SIVA1: variants seen among roughly 807,000 people sequenced by gnomAD.
SIVA1 encodes apoptosis regulatory protein Siva.
A neutral mutation model predicts 19.7 loss-of-function variants in SIVA1; 10 were observed. The ratio of observed to expected loss-of-function variants is 0.51; its 90% CI spans 0.31 to 0.86. The LOEUF is 0.86. Ranked by LOEUF, SIVA1 falls within the 40% of genes least tolerant of loss-of-function variation. The pLI, the probability that SIVA1 is intolerant of heterozygous loss-of-function variation, is 0.04. For synonymous variants in SIVA1, 130 were observed against 106.1 expected, an observed-to-expected ratio of 1.23 and a Z score of -1.39; for missense variants, 241 against 245.2, an observed-to-expected ratio of 0.98 and a Z score of 0.11.
intron 1 of SIVA1, among the ~76,000 whole-genome samples, chr14:104,754,039 G>A (rs939526113): frequency 2.6e-5 from 4 of 152,168 alleles, no homozygotes; most frequent in Non-Finnish European, 5.9e-5. Context: ...GAGCGAAATA[G>A]GACTCCGTGT....
intron 1 of SIVA1, chr14:104,753,687 G>T (rs1387160693): frequency 2.4e-6 from 1 of 424,910 alleles, no homozygotes; most frequent in African/African-American, 2.0e-5. Context: ...TGGGGAGCGG[G>T]GCGTCCTGCA....
Position 104,759,369 on chromosome 14 carries a change from G to A in SIVA1, c.471-59G>A. On this transcript the variant is annotated intron_variant, in intron 3 of 3. Coordinates refer to ENST00000329967, the MANE Select transcript of SIVA1 (RefSeq NM_006427.4). The surrounding 1 kb of genome is among the most constrained non-coding windows in gnomAD (Gnocchi z 4.2). ...TTTGACGTTTGAATGGTGGGGGGTG[G>A]TGGACACAATTCAGCCCCTGACAGC... 2 of 1,450,630 alleles carry A rather than the reference G, an allele frequency of 1.4e-6. No individual in the cohort carries two copies. The highest frequency in any genetic ancestry group is 1.2e-5 in the South Asian group (1 of 84,102). 89.9% of individuals were successfully genotyped at this position (1,450,630 alleles called of 1,614,324 possible).
chr14:104,756,896 C>T (rs955261589), intron 3 of SIVA1, 136 bp downstream of exon 3: 28 of 1,013,152 alleles, frequency 2.8e-5, no homozygotes, highest in African/African-American at 3.3e-5. Context: ...CATTGCCTAA[C>T]GGGACATGGT....
rs922573055 is a variant in SIVA1 at position 104,759,639 on chromosome 14, C to T, written c.*154C>T. The T allele has an allele frequency of 3.5e-6, 2 of 577,262 alleles. No individual in the cohort carries two copies. Among genetic ancestry groups the T allele is most frequent in the South Asian group, 2.2e-5 (1 of 45,700 alleles). The allele number at this position is 577,262 out of a possible 1,614,324, so 35.8% of individuals were successfully genotyped here. On this transcript the variant is annotated 3_prime_UTR_variant, in exon 4 of 4. Transcript: ENST00000329967. This position sits in a 1 kb window ranked among gnomAD's most constrained non-coding sequence, Gnocchi z 4.2. ...GTATCCTAATGACAGAATGAATAAA[C>T]CTCTTTATATTTGCACAAGAGGACT...
chr14:104,753,246 G>T lies in SIVA1; in HGVS notation c.45G>T (p.Gln15His), dbSNP rs770950455. 1 of 1,596,026 alleles carries T rather than the reference G, an allele frequency of 6.3e-7. No homozygotes were observed. The highest frequency in any genetic ancestry group is 8.5e-7 in the Non-Finnish European group (1 of 1,173,584). ...CCTTCGCGGACGTGGCCCCGCTACA[G>T]CTCAAGGTCCGCGTGAGCCAGAGGG... is the stretch of plus-strand genomic sequence containing the variant. ...SCPFADVAPLQLKVRVSQREL... is the reference protein window; with the variant it reads ...SCPFADVAPLHLKVRVSQREL... The change falls in exon 1 of 4, where the codon CAG (glutamine) becomes CAT (histidine). Residue 15 changes from glutamine to histidine, a missense_variant. Physicochemically the swap from Gln to His is conservative, Grantham distance 24. Coordinates refer to ENST00000329967, the MANE Select transcript of SIVA1 (RefSeq NM_006427.4).
chr14:104,759,443 C>G lies in SIVA1; in HGVS notation c.486C>G (p.Tyr162Ter). The G allele has an allele frequency of 6.2e-7, 1 of 1,613,166 alleles. No individual in the cohort carries two copies. Among genetic ancestry groups the G allele is most frequent in the South Asian group, 1.1e-5 (1 of 91,054 alleles). ...GCTGTCGCAGCTGCAGTGACATGTACGAGAAAGTGCTGTGCACCAGCTGTG... is the reference window on the plus strand; with the variant it reads ...GCTGTCGCAGCTGCAGTGACATGTAGGAGAAAGTGCTGTGCACCAGCTGTG... ...LCGLVDCSDMYEKVLCTSCAM... is the reference protein window; with the variant it reads ...LCGLVDCSDM Residue 162 changes from tyrosine (Y) to a stop codon, truncating the protein, a stop_gained, in exon 4 of 4, where the codon TAC becomes TAG. Transcript: ENST00000329967. LOFTEE classifies it high-confidence loss of function. The surrounding 1 kb of genome is among the most constrained non-coding windows in gnomAD (Gnocchi z 4.2).
At position 104,753,564 on chromosome 14, in the gene SIVA1, C is replaced by T. The variant is rs1395881433; in HGVS notation, c.118+245C>T. ...ACAGCCTGAAAGAAAAGGGTCCCTG[C>T]CCCTAGCCCCCGCGCCCTCTTCCAC... is the stretch of plus-strand genomic sequence containing the variant. On this transcript the variant is annotated intron_variant, in intron 1 of 3. Coordinates refer to ENST00000329967, the MANE Select transcript of SIVA1 (RefSeq NM_006427.4). Among the ~76,000 whole-genome samples, 5 of 152,216 alleles carry T rather than the reference C, an allele frequency of 3.3e-5. No homozygotes were observed. In the South Asian group the frequency reaches 6.2e-4, roughly 19 times the overall value.
chr14:104,756,511 CT>C (rs1383829628), intron 2 of SIVA1, 92 bp from the exon 3 acceptor site: 1 of 1,473,996 alleles, frequency 6.8e-7, no homozygotes, highest in Non-Finnish European at 9.4e-7. Context: ...TCAGAGCCCT[CT>C]GCCCTCAGGT....
At position 104,755,666 on chromosome 14, in the gene SIVA1, C is replaced by T. The variant is rs150203807; in HGVS notation, c.155C>T (p.Ala52Val). The T allele has an allele frequency of 5.0e-6, 8 of 1,613,656 alleles. No homozygotes were observed. In the African/African-American group the frequency reaches 1.1e-4, roughly 22 times the overall value. ...TKRLLFLGAQ[A>V]YLDHVWDEGC... ...CGACTCCTGTTCCTCGGGGCCCAGG[C>T]CTACCTGGACCACGTGTGGGATGAA... is the stretch of plus-strand genomic sequence containing the variant. Residue 52 changes from alanine (A) to valine (V), a missense_variant, in exon 2 of 4, where the codon GCC (alanine) becomes GTC (valine). By Grantham distance (64) the Ala-to-Val change is moderately conservative (BLOSUM62 0). Transcript: ENST00000329967.
At chr14:104,757,276 G>T (rs1475815995) in intron 3 of SIVA1, 10 of 439,332 alleles carry the variant, frequency 2.3e-5, no homozygotes, top group Non-Finnish European at 4.6e-5. Context: ...TCACCCTAGG[G>T]GCTACTCACC....
At chr14:104,753,681 G>GA (rs1555381132) in intron 1 of SIVA1, 1 of 427,550 alleles carries the variant, frequency 2.3e-6, no homozygotes, top group Non-Finnish European at 4.7e-6. Flanking sequence ...AGAGGTTGGG[G>GA]AGCGGGGCGT....
intron 2 of SIVA1, chr14:104,756,333 AG>A: frequency 3.7e-6 from 2 of 546,888 alleles, no homozygotes; most frequent in Non-Finnish European, 6.6e-6. Flanking sequence ...TTCCAGCACT[AG>A]CCTCCAGGTA....
At chr14:104,754,620 T>G (rs1025525543) in intron 1 of SIVA1, among the ~76,000 whole-genome samples, 1 of 152,156 alleles carries the variant, frequency 6.6e-6, no homozygotes, top group Non-Finnish European at 1.5e-5. Context: ...GGGCCTTCCA[T>G]GGTAAATGCA....
At position 104,753,184 on chromosome 14, in the gene SIVA1, G is replaced by T. The variant is rs71421881; in HGVS notation, c.-18G>T. ...GGGCTGGCGGCCGGGGAGCTGCGTA[G>T]CTCCCGGCCCCGCGGCCATGCCCAA... On this transcript the variant is annotated 5_prime_UTR_variant, in exon 1 of 4. Coordinates refer to ENST00000329967, the MANE Select transcript of SIVA1 (RefSeq NM_006427.4). 6.6e-7 allele frequency: 1 copy of T among 1,515,838 alleles called. No homozygotes were observed. Among genetic ancestry groups the T allele is most frequent in the South Asian group, 1.2e-5 (1 of 85,226 alleles). The allele number at this position is 1,515,838 out of a possible 1,614,324, so 93.9% of individuals were successfully genotyped here.
rs750565456 is a variant in SIVA1, at chr14:104,755,684, G to A, written c.173G>A (p.Trp58Ter). The change falls in exon 2 of 4, where the codon TGG becomes TAG. Residue 58 changes from tryptophan (W) to a stop codon, truncating the protein, a stop_gained. Transcript: ENST00000329967. LOFTEE classifies it high-confidence loss of function. ...LGAQAYLDHV[W>*]DEGCAVVHLP... ...GCCCAGGCCTACCTGGACCACGTGT[G>A]GGATGAAGGCTGTGCCGTCGTTCAC... 6.2e-7 allele frequency: 1 copy of A among 1,614,020 alleles called. No individual in the cohort carries two copies. Among genetic ancestry groups the A allele is most frequent in the South Asian group, 1.1e-5 (1 of 91,064 alleles).
At chr14:104,757,199 A>G (rs916039368) in intron 3 of SIVA1, 4 of 360,436 alleles carry the variant, frequency 1.1e-5, no homozygotes, top group Non-Finnish European at 2.2e-5. Context: ...GTAGTCTCCC[A>G]TTTGTGGGTG....
At chr14:104,753,357 G>A in intron 1 of SIVA1, 38 bp downstream of exon 1, 3 of 1,429,316 alleles carry the variant, frequency 2.1e-6, no homozygotes, top group Non-Finnish European at 2.9e-6. Context: ...CCGCTGCGTC[G>A]GGGCCTGGAA....
At chr14:104,754,269 T>G (rs1473531768) in intron 1 of SIVA1, among the ~76,000 whole-genome samples, 1 of 152,104 alleles carries the variant, frequency 6.6e-6, no homozygotes, top group Non-Finnish European at 1.5e-5. Context: ...CCGGGGTGTG[T>G]GATTTACCTG....
At chr14:104,755,986 C>T (rs1321938294) in intron 2 of SIVA1, 162 bp downstream of exon 2, 1 of 739,314 alleles carries the variant, frequency 1.4e-6, no homozygotes, top group South Asian at 1.5e-5. Flanking sequence ...ATCAGGAGGT[C>T]TCACATTCAA....
Sources: allele counts gnomAD v4.1 joint callset (sites outside exome capture counted in the v4.1 genomes callset), GRCh38; gene constraint gnomAD v4.1.1; non-coding constraint Gnocchi (gnomAD v3.1); transcripts MANE v1.5; gene names NCBI Gene and HGNC (gene_info 2026-07-23, HGNC 2026-07-21).